The following SCHIP1 variants were observed in gnomAD, a reference collection of about 807,000 sequenced individuals.
SCHIP1 encodes the protein schwannomin interacting protein 1.
A neutral mutation model predicts 29.7 loss-of-function variants in SCHIP1; 8 were observed. The observed-to-expected ratio is 0.27, with a 90% CI of 0.16 to 0.49. The LOEUF (loss-of-function observed/expected upper bound fraction) is 0.49. Ranked by LOEUF, SCHIP1 falls within the 20% of genes least tolerant of loss-of-function variation. The pLI is 0.99. For synonymous variants in SCHIP1, 76 were observed against 94.9 expected (o/e 0.80, Z 1.16); for missense variants, 193 against 294.6 (o/e 0.66, Z 2.52).
intron 1 of SCHIP1, among the ~76,000 whole-genome samples, chr3:159,856,010 C>A (rs1713313195): frequency 6.6e-6 from 1 of 152,194 alleles, no homozygotes; most frequent in Non-Finnish European, 1.5e-5. Context: ...AAACTGCCCT[C>A]AACAGAAAAC....
the SCHIP1 span, among the ~76,000 whole-genome samples, chr3:159,505,842 G>T: frequency 6.6e-6 from 1 of 152,202 alleles, no homozygotes; most frequent in East Asian, 1.9e-4. Flanking sequence ...TGGTGTATAT[G>T]TGTCACATTT....
the SCHIP1 span, among the ~76,000 whole-genome samples, chr3:159,711,213 T>TTTCCACCA: frequency 1.8e-4 from 15 of 81,912 alleles, no homozygotes; most frequent in South Asian, 1.0e-3. Context: ...TTTAAAAAAT[T>TTTCCACCA]AGCCGGGCGT....
At chr3:159,543,027 G>C in the SCHIP1 span, among the ~76,000 whole-genome samples, 1 of 150,960 alleles carries the variant, frequency 6.6e-6, no homozygotes, top group African/African-American at 2.4e-5. Flanking sequence ...CATTAAGTGT[G>C]TATGTGTATA....
At chr3:159,643,097 C>A in the SCHIP1 span, among the ~76,000 whole-genome samples, 1 of 151,782 alleles carries the variant, frequency 6.6e-6, no homozygotes, top group Non-Finnish European at 1.5e-5. Flanking sequence ...GTAAATGGCA[C>A]AAAAAGGAAT....
chr3:159,362,700 T>C, the SCHIP1 span, among the ~76,000 whole-genome samples: 1 of 151,924 alleles, frequency 6.6e-6, no homozygotes, highest in Non-Finnish European at 1.5e-5. Context: ...GGCCAGGATT[T>C]CCCCCCCGGC....
chr3:159,796,668 C>G, the SCHIP1 span, among the ~76,000 whole-genome samples: 4 of 152,094 alleles, frequency 2.6e-5, no homozygotes, highest in African/African-American at 9.7e-5. Flanking sequence ...GCATAAGATG[C>G]AATGCAAAGA....
chr3:159,274,050 G>GA, the SCHIP1 span: 26 of 982,794 alleles, frequency 2.6e-5, no homozygotes, highest in East Asian at 1.1e-4. Context: ...ATGTTCATTT[G>GA]AAAAAAATAC....
the SCHIP1 span, among the ~76,000 whole-genome samples, chr3:159,635,875 G>A: frequency 6.6e-6 from 1 of 152,056 alleles, no homozygotes; most frequent in Admixed American, 6.5e-5. Context: ...CTTGATAAAA[G>A]TTATCATTGT....
At chr3:159,423,542 C>A in the SCHIP1 span, among the ~76,000 whole-genome samples, 1 of 152,252 alleles carries the variant, frequency 6.6e-6, no homozygotes, top group Non-Finnish European at 1.5e-5. Flanking sequence ...CTTAGGTAAA[C>A]AAAGCAGCTG....
At chr3:159,752,715 A>T in the SCHIP1 span, among the ~76,000 whole-genome samples, 1 of 152,150 alleles carries the variant, frequency 6.6e-6, no homozygotes, top group Non-Finnish European at 1.5e-5. Flanking sequence ...GGATGGTGCT[A>T]ATCCATTCCT....
the SCHIP1 span, among the ~76,000 whole-genome samples, chr3:159,697,737 A>T: frequency 6.6e-6 from 1 of 152,292 alleles, no homozygotes; most frequent in East Asian, 1.9e-4. Flanking sequence ...TAGAAAAGTG[A>T]TATTGAAATG....
the SCHIP1 span, among the ~76,000 whole-genome samples, chr3:159,584,139 G>T: frequency 5.3e-5 from 8 of 152,132 alleles, no homozygotes; most frequent in Admixed American, 1.3e-4. Flanking sequence ...AGGTCATTTT[G>T]GTTCTTTGAG....
At chr3:159,667,478 G>A in the SCHIP1 span, among the ~76,000 whole-genome samples, 1 of 152,186 alleles carries the variant, frequency 6.6e-6, no homozygotes, top group Admixed American at 6.5e-5. Context: ...TGATGATCAG[G>A]GCATCCAATG....
the SCHIP1 span, among the ~76,000 whole-genome samples, chr3:159,704,006 A>G: frequency 6.6e-6 from 1 of 152,206 alleles, no homozygotes; most frequent in African/African-American, 2.4e-5. Flanking sequence ...GACTCTTTAA[A>G]GTAATTATTG....
chr3:159,569,428 T>G, the SCHIP1 span, among the ~76,000 whole-genome samples: 1 of 152,232 alleles, frequency 6.6e-6, no homozygotes, highest in East Asian at 1.9e-4. Flanking sequence ...TTTGGTTTTC[T>G]GTCCTTGTGA....
At chr3:159,308,050 G>A in the SCHIP1 span, among the ~76,000 whole-genome samples, 1 of 151,762 alleles carries the variant, frequency 6.6e-6, no homozygotes, top group South Asian at 2.1e-4. Flanking sequence ...GATTGCTTTG[G>A]TTATTTAGGC....
chr3:159,427,055 A>T, the SCHIP1 span, among the ~76,000 whole-genome samples: 1 of 152,244 alleles, frequency 6.6e-6, no homozygotes, highest in African/African-American at 2.4e-5. Flanking sequence ...AGAGCTATCT[A>T]TGACAAACCC....
At chr3:159,508,569 A>G in the SCHIP1 span, among the ~76,000 whole-genome samples, 6 of 152,224 alleles carry the variant, frequency 3.9e-5, no homozygotes, top group African/African-American at 9.6e-5. Context: ...TAGGGTGTCA[A>G]TTTTAGATCT....
chr3:159,757,059 T>G, the SCHIP1 span, among the ~76,000 whole-genome samples: 1 of 152,244 alleles, frequency 6.6e-6, no homozygotes, highest in Non-Finnish European at 1.5e-5. Flanking sequence ...TGTTCTAACC[T>G]CTGCCTGTTC....
Sources: allele counts gnomAD v4.1 joint callset (sites outside exome capture counted in the v4.1 genomes callset), GRCh38; gene constraint gnomAD v4.1.1; transcripts MANE v1.5; gene names NCBI Gene and HGNC (gene_info 2026-07-23, HGNC 2026-07-21).